Variants in CTNNA1 observed in about 807,000 individuals in gnomAD.
CTNNA1 encodes the protein catenin alpha-1.
In CTNNA1, 37 loss-of-function variants were observed where a neutral mutation model predicts 98.4. The observed-to-expected ratio is 0.38, with a 90% CI of 0.29 to 0.49. The LOEUF is 0.49. Among genes scored for constraint, CTNNA1 ranks in the 20% least tolerant of loss-of-function variants. CTNNA1 has a pLI of 0.95. For missense variants in CTNNA1, 761 were observed against 1,147.2 expected, an observed-to-expected ratio of 0.66 and a Z score of 4.86; for synonymous variants, 404 against 413.2, an observed-to-expected ratio of 0.98 and a Z score of 0.27.
intron 5 of CTNNA1, among the ~76,000 whole-genome samples, chr5:138,816,124 A>G (rs1759408575): frequency 6.6e-6 from 1 of 152,198 alleles, no homozygotes; most frequent in African/African-American, 2.4e-5. Flanking sequence ...CTTCCATGTA[A>G]GTGAGAACAT....
intron 3 of CTNNA1, among the ~76,000 whole-genome samples, chr5:138,809,744 T>G (rs1038502779): frequency 2.1e-4 from 32 of 150,050 alleles, no homozygotes; most frequent in African/African-American, 7.9e-4. Context: ...ATAATGCCCT[T>G]TTTTTTTTAA....
At chr5:138,904,616 G>A in intron 10 of CTNNA1, 175 bp downstream of exon 10, 1 of 823,164 alleles carries the variant, frequency 1.2e-6, no homozygotes, top group Non-Finnish European at 1.8e-6. Flanking sequence ...TTAACATTAA[G>A]TGACATTTGC....
At chr5:138,786,926 G>A (rs981324598) in intron 3 of CTNNA1, among the ~76,000 whole-genome samples, 2 of 152,124 alleles carry the variant, frequency 1.3e-5, no homozygotes, top group Admixed American at 1.3e-4. Flanking sequence ...CCCTGCCCTG[G>A]CTTCAGTGGT....
chr5:138,811,235 G>T (rs1183039898), intron 4 of CTNNA1, among the ~76,000 whole-genome samples: 1 of 147,560 alleles, frequency 6.8e-6, no homozygotes, highest in African/African-American at 2.5e-5. Flanking sequence ...TCACCTCCCA[G>T]ATGGGGTCGC....
chr5:138,825,044 A>G lies in CTNNA1; in HGVS notation c.858+245A>G, dbSNP rs28363407. 7.6e-4 allele frequency among the ~76,000 whole-genome samples: 115 copies of G among 152,260 alleles called. 1 individual carries two copies. Among genetic ancestry groups the G allele is most frequent in the African/African-American group, 2.6e-3 (106 of 41,556 alleles). On this transcript the variant is annotated intron_variant, in intron 6 of 17. Coordinates refer to ENST00000302763, the MANE Select transcript of CTNNA1 (RefSeq NM_001903.5). Reference sequence around the variant, plus strand: ...TTCTTTTATGTAGCTTGTGTTTCCTATGAGGTCATTCTTTACTGAGGATAT... The same window carrying G: ...TTCTTTTATGTAGCTTGTGTTTCCTGTGAGGTCATTCTTTACTGAGGATAT...
At chr5:138,817,040 C>A (rs1037566929) in intron 5 of CTNNA1, among the ~76,000 whole-genome samples, 1 of 152,136 alleles carries the variant, frequency 6.6e-6, no homozygotes, top group Non-Finnish European at 1.5e-5. Flanking sequence ...TGAGTTTTTG[C>A]TGTTGAGTTG....
At position 138,923,065 on chromosome 5, in the gene CTNNA1, T is replaced by C. The variant is rs545366591; in HGVS notation, c.1547-1445T>C. On this transcript the variant is annotated intron_variant, in intron 11 of 17. Coordinates refer to ENST00000302763, the MANE Select transcript of CTNNA1 (RefSeq NM_001903.5). Reference sequence around the variant, plus strand: ...TAGGGATGAGTCTTAAAATCAATGATATGAGAAAACACTGGTTCTTAGTTT... The same window carrying C: ...TAGGGATGAGTCTTAAAATCAATGACATGAGAAAACACTGGTTCTTAGTTT... Among the ~76,000 whole-genome samples, 7 of 152,318 alleles carry C rather than the reference T, an allele frequency of 4.6e-5. No homozygotes were observed. The East Asian group carries it at 1.3e-3, about 29-fold the overall frequency.
intron 1 of CTNNA1, among the ~76,000 whole-genome samples, chr5:138,778,750 T>C (rs1430461142): frequency 6.6e-6 from 1 of 152,248 alleles, no homozygotes; most frequent in African/African-American, 2.4e-5. Context: ...GGAAGAACTT[T>C]TCCTTCTTTA....
At chr5:138,765,669 C>T (rs1485457977) in intron 1 of CTNNA1, among the ~76,000 whole-genome samples, 2 of 151,824 alleles carry the variant, frequency 1.3e-5, no homozygotes, top group African/African-American at 4.8e-5. Context: ...TAAGAATTGG[C>T]GCTGGGCGAG....
At chr5:138,816,550 GT>G (rs1212698492) in intron 5 of CTNNA1, among the ~76,000 whole-genome samples, 1 of 151,304 alleles carries the variant, frequency 6.6e-6, no homozygotes, top group Non-Finnish European at 1.5e-5. Context: ...TTTTCCTTTC[GT>G]TTTGCTAATA....
chr5:138,875,708 G>T (rs1459615122), intron 7 of CTNNA1: 1 of 985,340 alleles, frequency 1.0e-6, no homozygotes, highest in African/African-American at 1.7e-5. Context: ...CACAATTTAT[G>T]AAGTGCTGAT....
At chr5:138,833,226 G>C (rs975690145) in intron 7 of CTNNA1, among the ~76,000 whole-genome samples, 6 of 152,160 alleles carry the variant, frequency 3.9e-5, no homozygotes. Flanking sequence ...GAGCAGTCTT[G>C]CCCAGCAGGT....
chr5:138,874,700 T>C lies in CTNNA1; in HGVS notation c.1063-11512T>C, dbSNP rs1751108193. 1.4e-6 allele frequency: 1 copy of C among 739,568 alleles called. No homozygotes were observed. Among genetic ancestry groups the C allele is most frequent in the Non-Finnish European group, 2.2e-6 (1 of 463,570 alleles). The allele number at this position is 739,568 out of a possible 1,614,324, so 45.8% of individuals were successfully genotyped here. On this transcript the variant is annotated intron_variant, in intron 7 of 17. Transcript: ENST00000302763. This position sits in a 1 kb window ranked among gnomAD's most constrained non-coding sequence, Gnocchi z 4.1. ...TTATTTTTCATTTACTGCAGAAAAA[T>C]TAACCTTATTGGTATGACTGGACCA...
intron 7 of CTNNA1, among the ~76,000 whole-genome samples, chr5:138,832,038 A>G (rs1291429462): frequency 6.6e-6 from 1 of 152,210 alleles, no homozygotes; most frequent in Non-Finnish European, 1.5e-5. Flanking sequence ...TATACAGATG[A>G]CATTTGTTGA....
chr5:138,769,992 G>T (rs367738684), intron 1 of CTNNA1, among the ~76,000 whole-genome samples: 1 of 151,872 alleles, frequency 6.6e-6, no homozygotes, highest in African/African-American at 2.4e-5. Context: ...GATTACAGGC[G>T]CCTGGCTGAT....
intron 1 of CTNNA1, among the ~76,000 whole-genome samples, chr5:138,758,013 C>CT (rs1225955748): frequency 5.0e-4 from 74 of 148,030 alleles, no homozygotes; most frequent in Middle Eastern, 6.8e-3. Flanking sequence ...TCTCCTATTT[C>CT]TTTTTTTTTT....
chr5:138,912,786 A>G (rs1289277997), intron 10 of CTNNA1, among the ~76,000 whole-genome samples: 1 of 152,116 alleles, frequency 6.6e-6, no homozygotes, highest in African/African-American at 2.4e-5. Flanking sequence ...ACTCCCCCCA[A>G]CCAATAGCTG....
intron 11 of CTNNA1, among the ~76,000 whole-genome samples, chr5:138,922,459 C>A (rs533416743): frequency 1.3e-5 from 2 of 152,092 alleles, no homozygotes; most frequent in Admixed American, 1.3e-4. Context: ...AATATAATTC[C>A]TTTTATATTC....
chr5:138,889,591 G>A (rs1754892334), intron 9 of CTNNA1, among the ~76,000 whole-genome samples: 1 of 152,028 alleles, frequency 6.6e-6, no homozygotes, highest in East Asian at 1.9e-4. Flanking sequence ...ATATTTTATT[G>A]TATTTCATTT....
Sources: allele counts gnomAD v4.1 joint callset (sites outside exome capture counted in the v4.1 genomes callset), GRCh38; gene constraint gnomAD v4.1.1; non-coding constraint Gnocchi (gnomAD v3.1); transcripts MANE v1.5; gene names NCBI Gene and HGNC (gene_info 2026-07-23, HGNC 2026-07-21).